The following GRM4 variants were observed in gnomAD, a reference collection of about 807,000 sequenced individuals.
The protein encoded by GRM4 is metabotropic glutamate receptor 4.
Under a neutral mutation model 81.7 loss-of-function variants are expected in GRM4, and 28 were observed. The ratio of observed to expected loss-of-function variants is 0.34; its 90% CI spans 0.25 to 0.47. GRM4 has a LOEUF of 0.47. Among genes scored for constraint, GRM4 ranks in the 20% least tolerant of loss-of-function variants. The pLI is 1.00. For synonymous variants in GRM4, 488 were observed against 528.8 expected (o/e 0.92, Z 1.06); for missense variants, 948 against 1,290.0 (o/e 0.73, Z 4.06).
chr6:34,026,267 C>T (rs1423426991), intron 10 of GRM4, among the ~76,000 whole-genome samples: 2 of 152,194 alleles, frequency 1.3e-5, no homozygotes, highest in African/African-American at 2.4e-5. Flanking sequence ...CCCCTCCATC[C>T]GGCTGTCCCC....
intron 2 of GRM4, among the ~76,000 whole-genome samples, chr6:34,099,700 C>T (rs1281307803): frequency 1.3e-5 from 2 of 152,172 alleles, no homozygotes; most frequent in Non-Finnish European, 2.9e-5. Flanking sequence ...CACCCACGCC[C>T]TCCATGGAGC....
At chr6:34,097,351 T>C (rs1768580210) in intron 2 of GRM4, among the ~76,000 whole-genome samples, 1 of 152,044 alleles carries the variant, frequency 6.6e-6, no homozygotes, top group South Asian at 2.1e-4. Context: ...TCTGTGTGTG[T>C]GTGTGAACAT....
intron 8 of GRM4, among the ~76,000 whole-genome samples, chr6:34,037,598 C>T (rs1305521349): frequency 6.6e-6 from 1 of 152,068 alleles, no homozygotes; most frequent in Non-Finnish European, 1.5e-5. Context: ...GGCATGGTAG[C>T]TCAGGTCTGT....
At chr6:34,103,779 A>G (rs915556394) in intron 2 of GRM4, 2 of 1,450,666 alleles carry the variant, frequency 1.4e-6, no homozygotes, top group Non-Finnish European at 1.8e-6. Flanking sequence ...TGGGCAAGTC[A>G]CCTCCTTTGT....
chr6:34,116,442 G>C (rs1561822330), intron 2 of GRM4, among the ~76,000 whole-genome samples: 1 of 152,202 alleles, frequency 6.6e-6, no homozygotes, highest in Admixed American at 6.5e-5. Flanking sequence ...GGGAAGAAGA[G>C]AGACACAACC....
rs1766040449 is a variant in GRM4 at position 34,058,985 on chromosome 6, A to G, written c.1016T>C (p.Met339Thr). The change falls in exon 5 of 11, where the codon ATG becomes ACG. Residue 339 changes from methionine (M) to threonine (T), a missense_variant. By Grantham distance (81) the Met-to-Thr change is moderately conservative. Coordinates refer to ENST00000538487, the MANE Select transcript of GRM4 (RefSeq NM_000841.4). ...EGAVTILPKRMSVRGFDRYFS... is the reference protein window; with the variant it reads ...EGAVTILPKRTSVRGFDRYFS... The stretch of plus-strand genomic sequence containing the variant: ...CCGCCCAGCCTTACCTCGTACGGAC[A>G]TCCTCTTGGGGAGGATCGTGACAGC... The G allele has an allele frequency of 6.2e-7, 1 of 1,612,972 alleles. No homozygotes were observed. Among genetic ancestry groups the G allele is most frequent in the Non-Finnish European group, 8.5e-7 (1 of 1,179,892 alleles).
chr6:34,085,180 G>A (rs1379363290), intron 3 of GRM4, among the ~76,000 whole-genome samples: 1 of 152,204 alleles, frequency 6.6e-6, no homozygotes, highest in Non-Finnish European at 1.5e-5. Flanking sequence ...AAGGAGGGCA[G>A]GGGGCACAGC....
chr6:34,097,439 G>GCA (rs1768588803), intron 2 of GRM4, among the ~76,000 whole-genome samples: 1 of 3,326 alleles, frequency 3.0e-4, no homozygotes, highest in Admixed American at 3.2e-3. Flanking sequence ...CTGTGTGTGT[G>GCA]TGTGTGTGTG....
At position 34,121,073 on chromosome 6, in the gene GRM4, C is replaced by A. The variant is rs1272059403; in HGVS notation, c.519+11905G>T. On this transcript the variant is annotated intron_variant, in intron 2 of 10. Coordinates refer to ENST00000538487, the MANE Select transcript of GRM4 (RefSeq NM_000841.4). The surrounding 1 kb of genome is among the most constrained non-coding windows in gnomAD (Gnocchi z 4.6). Reference sequence around the variant, plus strand: ...AGAGAGTAAGCCCTTCATGACGGACCCACATTGAACATGCCACTCATTTTC... The same window carrying A: ...AGAGAGTAAGCCCTTCATGACGGACACACATTGAACATGCCACTCATTTTC... Among the ~76,000 whole-genome samples the A allele has an allele frequency of 6.6e-6, 1 of 152,136 alleles. No individual in the cohort carries two copies. Among genetic ancestry groups the A allele is most frequent in the Non-Finnish European group, 1.5e-5 (1 of 68,032 alleles).
intron 2 of GRM4, among the ~76,000 whole-genome samples, chr6:34,118,252 C>T (rs551073515): frequency 2.6e-5 from 4 of 152,302 alleles, no homozygotes; most frequent in Non-Finnish European, 4.4e-5. Context: ...TAAGGGACAT[C>T]GAGCCACACT....
rs1272079315 is a variant in GRM4 at position 34,090,970 on chromosome 6, C to T, written c.736+913G>A. 6.6e-6 allele frequency among the ~76,000 whole-genome samples: 1 copy of T among 152,066 alleles called. No homozygotes were observed. Among genetic ancestry groups the T allele is most frequent in the African/African-American group, 2.4e-5 (1 of 41,404 alleles). On this transcript the variant is annotated intron_variant, in intron 3 of 10. Transcript: ENST00000538487. This position sits in a 1 kb window ranked among gnomAD's most constrained non-coding sequence, Gnocchi z 5.2. Reference sequence around the variant, plus strand: ...AGGGCCTCCCCACTTCCCCCACACACAACAGGGCCCCGAGGAAGTCACAGG... The same window carrying T: ...AGGGCCTCCCCACTTCCCCCACACATAACAGGGCCCCGAGGAAGTCACAGG...
intron 6 of GRM4, among the ~76,000 whole-genome samples, chr6:34,045,411 G>A (rs902614350): frequency 6.6e-6 from 1 of 152,238 alleles, no homozygotes; most frequent in Non-Finnish European, 1.5e-5. Flanking sequence ...AGGTTTGCAG[G>A]TGGGTGGGTG....
In GRM4 at chr6:34,078,363, G is replaced by A. The variant is rs959069149; in HGVS notation, c.736+13520C>T. Among the ~76,000 whole-genome samples, 9 of 152,108 alleles carry A rather than the reference G, an allele frequency of 5.9e-5. No homozygotes were observed. The highest frequency in any genetic ancestry group is 1.9e-4 in the East Asian group (1 of 5,158). On this transcript the variant is annotated intron_variant, in intron 3 of 10. Coordinates refer to ENST00000538487, the MANE Select transcript of GRM4 (RefSeq NM_000841.4). The surrounding 1 kb of genome is among the most constrained non-coding windows in gnomAD (Gnocchi z 4.8). ...ACTCCCAGTAGAGTAACCTTTCTACGTGTTGTCTCCTGAGCTCCTTCCAGT... is the reference window on the plus strand; with the variant it reads ...ACTCCCAGTAGAGTAACCTTTCTACATGTTGTCTCCTGAGCTCCTTCCAGT...
chr6:34,139,955 A>T (rs2249430), intron 1 of GRM4, among the ~76,000 whole-genome samples: 8 of 152,260 alleles, frequency 5.3e-5, no homozygotes, highest in East Asian at 1.9e-4. Flanking sequence ...AAACAGGCAC[A>T]GACGCCTGCC....
At chr6:34,029,985 C>A (rs1039856334) in intron 9 of GRM4, among the ~76,000 whole-genome samples, 1 of 152,226 alleles carries the variant, frequency 6.6e-6, no homozygotes, top group Non-Finnish European at 1.5e-5. Context: ...CCGCTCCAGA[C>A]ACAGACAGGC....
intron 1 of GRM4, among the ~76,000 whole-genome samples, chr6:34,153,309 T>C (rs948629446): frequency 2.0e-5 from 3 of 152,324 alleles, no homozygotes; most frequent in East Asian, 3.9e-4. Flanking sequence ...AGAGATTTCA[T>C]GCCTGGCTCA....
chr6:34,066,770 G>A (rs565655644), intron 3 of GRM4, among the ~76,000 whole-genome samples: 2 of 152,094 alleles, frequency 1.3e-5, no homozygotes, highest in Non-Finnish European at 2.9e-5. Context: ...AGCAGATGTG[G>A]CAACATGGGA....
upstream of GRM4, among the ~76,000 whole-genome samples, chr6:34,148,875 G>C (rs933792441): frequency 1.3e-5 from 2 of 152,206 alleles, no homozygotes; most frequent in East Asian, 1.9e-4. Flanking sequence ...AGTAAGCAGG[G>C]AGTGATGCTG....
At position 34,021,022 on chromosome 6, in the gene GRM4, T is replaced by G. The variant is rs1356483063; in HGVS notation, c.*1799A>C. 6.6e-6 allele frequency: 1 copy of G among 151,902 alleles called. No homozygotes were observed. Among genetic ancestry groups the G allele is most frequent in the African/African-American group, 2.4e-5 (1 of 41,328 alleles). 9.4% of individuals were successfully genotyped at this position (151,902 alleles called of 1,614,324 possible). ...CGGCACAGGCAGCCCAGGCTCCAGCTGCTGCCTATGGCCTCATTGTGTTTC... is the reference window on the plus strand; with the variant it reads ...CGGCACAGGCAGCCCAGGCTCCAGCGGCTGCCTATGGCCTCATTGTGTTTC... On this transcript the variant is annotated 3_prime_UTR_variant, in exon 11 of 11. Transcript: ENST00000538487. The surrounding 1 kb of genome is among the most constrained non-coding windows in gnomAD (Gnocchi z 5.3).
Sources: gnomAD v4.1 joint callset for allele counts (sites outside exome capture counted in the v4.1 genomes callset) on GRCh38, gnomAD v4.1.1 for gene constraint, Gnocchi (gnomAD v3.1) non-coding constraint, MANE v1.5 for transcripts, NCBI Gene and HGNC (gene_info 2026-07-23, HGNC 2026-07-21) for gene names.